The following RTN1 variants were observed in gnomAD, a reference collection of about 807,000 sequenced individuals.
RTN1 encodes reticulon-1.
In RTN1, 25 loss-of-function variants were observed where a neutral mutation model predicts 65.5. That is an observed-to-expected ratio of 0.38 (90% CI 0.28 to 0.53). The LOEUF (loss-of-function observed/expected upper bound fraction) is 0.53. Ranked by LOEUF, RTN1 falls within the 20% of genes least tolerant of loss-of-function variation. The pLI, the probability that RTN1 is intolerant of heterozygous loss-of-function variation, is 0.79. For synonymous variants in RTN1, 471 were observed against 447.6 expected, an observed-to-expected ratio of 1.05 and a Z score of -0.66; for missense variants, 983 against 1,025.4, an observed-to-expected ratio of 0.96 and a Z score of 0.57.
rs778464656 is a variant in RTN1, at chr14:59,870,481, C to T, written c.150G>A (p.Gly50=). 1 of 1,470,332 alleles carries T rather than the reference C, an allele frequency of 6.8e-7. No individual in the cohort carries two copies. Among genetic ancestry groups the T allele is most frequent in the Non-Finnish European group, 8.9e-7 (1 of 1,118,466 alleles). 91.1% of individuals were successfully genotyped at this position (1,470,332 alleles called of 1,614,324 possible). Residue 50 remains glycine, a synonymous_variant, in exon 1 of 9, where the codon GGG becomes GGA. Transcript: ENST00000267484. The surrounding 1 kb of genome is among the most constrained non-coding windows in gnomAD (Gnocchi z 5.1). ...CCGCTTCCCGGGCCCTGGCGCCCAA[C>T]CCCGGGCTGGGCTCCCCAGCCTGCG... ...PAPQAGEPSP[G]LGARAREAAS...
chr14:59,694,026 A>G (rs1234864812), intron 3 of RTN1, among the ~76,000 whole-genome samples: 2 of 152,112 alleles, frequency 1.3e-5, no homozygotes, highest in South Asian at 2.1e-4. Flanking sequence ...CTCAACCTCA[A>G]TTTGGTTTAA....
At chr14:59,869,306 C>T (rs1887848607) in intron 1 of RTN1, among the ~76,000 whole-genome samples, 1 of 151,458 alleles carries the variant, frequency 6.6e-6, no homozygotes. Context: ...CCTCTGGGAG[C>T]ACCCCCCACC....
At chr14:59,698,835 A>C (rs540375545) in intron 3 of RTN1, among the ~76,000 whole-genome samples, 1 of 152,216 alleles carries the variant, frequency 6.6e-6, no homozygotes, top group Non-Finnish European at 1.5e-5. Context: ...TCCTGTAAGC[A>C]CTAGACTTAA....
intron 3 of RTN1, chr14:59,646,835 C>A (rs1440817284): frequency 6.5e-6 from 1 of 152,738 alleles, no homozygotes; most frequent in African/African-American, 2.4e-5. Context: ...TAAAAAAAAA[C>A]ACAAGTACAG....
chr14:59,679,523 G>A (rs1049989708), intron 3 of RTN1, among the ~76,000 whole-genome samples: 2 of 152,130 alleles, frequency 1.3e-5, no homozygotes, highest in African/African-American at 4.8e-5. Flanking sequence ...CTAGTCATAG[G>A]TACCTTTTAA....
chr14:59,749,188 C>CTA (rs1232869645), intron 1 of RTN1, among the ~76,000 whole-genome samples: 9 of 71,508 alleles, frequency 1.3e-4, no homozygotes, highest in African/African-American at 6.7e-4. Flanking sequence ...ATATATCTAT[C>CTA]TATATATATC....
At chr14:59,751,613 G>A (rs2139529617) in intron 1 of RTN1, among the ~76,000 whole-genome samples, 1 of 152,258 alleles carries the variant, frequency 6.6e-6, no homozygotes, top group Non-Finnish European at 1.5e-5. Flanking sequence ...AGGGAATCTG[G>A]AGAAGACATA....
chr14:59,744,201 T>C (rs147078276), intron 2 of RTN1, among the ~76,000 whole-genome samples: 3 of 152,338 alleles, frequency 2.0e-5, no homozygotes, highest in Non-Finnish European at 4.4e-5. Context: ...GCTCCTCCTC[T>C]ACAGGCTTTG....
intron 3 of RTN1, 45 bp downstream of exon 3, chr14:59,726,874 C>T (rs1412579733): frequency 6.5e-7 from 1 of 1,540,260 alleles, no homozygotes; most frequent in Non-Finnish European, 8.8e-7. Context: ...TCAGAGCACC[C>T]AGAGGGAGGA....
chr14:59,726,062 C>T (rs1884752523), intron 3 of RTN1, among the ~76,000 whole-genome samples: 1 of 152,166 alleles, frequency 6.6e-6, no homozygotes, highest in Non-Finnish European at 1.5e-5. Flanking sequence ...CACCCATTAA[C>T]AAAAATAGAA....
At chr14:59,832,245 C>T (rs1887137433) in intron 1 of RTN1, among the ~76,000 whole-genome samples, 1 of 152,164 alleles carries the variant, frequency 6.6e-6, no homozygotes, top group African/African-American at 2.4e-5. Flanking sequence ...ACACTCTTTT[C>T]CATATTGAAG....
chr14:59,697,115 A>C (rs1884079903), intron 3 of RTN1, among the ~76,000 whole-genome samples: 1 of 152,096 alleles, frequency 6.6e-6, no homozygotes, highest in African/African-American at 2.4e-5. Flanking sequence ...CCTATGAATA[A>C]ATGCTGATTA....
intron 3 of RTN1, among the ~76,000 whole-genome samples, chr14:59,697,908 G>T (rs76557009): frequency 6.6e-6 from 1 of 152,084 alleles, no homozygotes. Context: ...GTACTGTTTA[G>T]GAGCAAAACA....
chr14:59,769,391 T>C (rs970688949), intron 1 of RTN1, among the ~76,000 whole-genome samples: 4 of 152,132 alleles, frequency 2.6e-5, no homozygotes, highest in Non-Finnish European at 4.4e-5. Flanking sequence ...ACAATATGAA[T>C]ATAAAAACAT....
At chr14:59,852,323 T>C (rs1045102241) in intron 1 of RTN1, among the ~76,000 whole-genome samples, 6 of 152,178 alleles carry the variant, frequency 3.9e-5, no homozygotes, top group East Asian at 1.9e-4. Flanking sequence ...TAAAATATCA[T>C]ATGCACACTT....
chr14:59,795,613 A>G (rs1886425136), intron 1 of RTN1, among the ~76,000 whole-genome samples: 1 of 152,214 alleles, frequency 6.6e-6, no homozygotes, highest in South Asian at 2.1e-4. Flanking sequence ...CTACATATTT[A>G]TTGTGAACAA....
chr14:59,620,588 TCTTA>T (rs1266881591), intron 3 of RTN1, among the ~76,000 whole-genome samples: 3 of 152,248 alleles, frequency 2.0e-5, no homozygotes, highest in African/African-American at 4.8e-5. Context: ...ACCTGTTTCT[TCTTA>T]CTTTTTAATG....
At chr14:59,733,292 C>T (rs767855097) in intron 2 of RTN1, among the ~76,000 whole-genome samples, 1 of 152,234 alleles carries the variant, frequency 6.6e-6, no homozygotes, top group Non-Finnish European at 1.5e-5. Flanking sequence ...AGTGTTTCAC[C>T]ATGTTGGCCA....
At chr14:59,607,057 T>C (rs1367597683) in intron 4 of RTN1, among the ~76,000 whole-genome samples, 1 of 152,192 alleles carries the variant, frequency 6.6e-6, no homozygotes, top group Non-Finnish European at 1.5e-5. Context: ...TAATAGTAAA[T>C]ACATATGAAA....
Sources: gnomAD v4.1 joint callset for allele counts (sites outside exome capture counted in the v4.1 genomes callset) on GRCh38, gnomAD v4.1.1 for gene constraint, Gnocchi (gnomAD v3.1) non-coding constraint, MANE v1.5 for transcripts, NCBI Gene and HGNC (gene_info 2026-07-23, HGNC 2026-07-21) for gene names.